Variants in STX8 observed in about 807,000 individuals in gnomAD.
STX8 encodes the protein syntaxin-8.
STX8 carries 23 observed loss-of-function variants against 37.5 expected under a neutral mutation model. The ratio of observed to expected loss-of-function variants is 0.61; its 90% CI spans 0.44 to 0.87. STX8 has a LOEUF of 0.87. Among genes scored for constraint, STX8 ranks in the 40% least tolerant of loss-of-function variants. The pLI, the probability that STX8 is intolerant of heterozygous loss-of-function variation, is 0.00. For synonymous variants in STX8, 115 were observed against 99.1 expected (o/e 1.16, Z -0.95); for missense variants, 313 against 284.7 (o/e 1.10, Z -0.71).
intron 5 of STX8, among the ~76,000 whole-genome samples, chr17:9,504,668 A>T (rs4447466): frequency 0.71 from 108,116 of 151,794 alleles, 38,751 homozygotes; most frequent in Middle Eastern, 0.85. Context: ...TGAGGAACAA[A>T]CAAGGCTCCA....
intron 6 of STX8, among the ~76,000 whole-genome samples, chr17:9,468,093 C>T (rs1242368939): frequency 6.6e-6 from 1 of 151,970 alleles, no homozygotes; most frequent in African/African-American, 2.4e-5. Flanking sequence ...AACAATATAG[C>T]GAGGTTTGTT....
rs146984445 is a variant in STX8 at position 9,415,066 on chromosome 17, T to C, written c.542-36413A>G. ...TCGGCCTCCCAAAGTGCTGGGATTA[T>C]AGGTGTGAGCCACCACGCCCGGTCT... On this transcript the variant is annotated intron_variant, in intron 6 of 7. Transcript: ENST00000306357. Among the ~76,000 whole-genome samples, 1,351 of 152,080 alleles carry C rather than the reference T, an allele frequency of 8.9e-3. 19 individuals are homozygous for C. Among genetic ancestry groups the C allele is most frequent in the African/African-American group, 0.032 (1,308 of 41,498 alleles).
intron 7 of STX8, among the ~76,000 whole-genome samples, chr17:9,286,722 A>G (rs990232151): frequency 2.0e-5 from 3 of 150,766 alleles, no homozygotes; most frequent in Non-Finnish European, 2.9e-5. Flanking sequence ...TAGCTGAACT[A>G]TGTGGCCCCT....
chr17:9,525,570 T>C lies in STX8; in HGVS notation c.323+19602A>G, dbSNP rs569008520. ...ACCGTGTTAGCCAGGATGGTCTCGA[T>C]CTCCTGACCTCATGATCTACCCGCC... On this transcript the variant is annotated intron_variant, in intron 4 of 7. Coordinates refer to ENST00000306357, the MANE Select transcript of STX8 (RefSeq NM_004853.3). Among the ~76,000 whole-genome samples, 4 of 151,978 alleles carry C rather than the reference T, an allele frequency of 2.6e-5. No individual in the cohort carries two copies. The South Asian group carries it at 8.3e-4, about 32-fold the overall frequency.
intron 7 of STX8, among the ~76,000 whole-genome samples, chr17:9,350,658 G>A (rs1910677546): frequency 6.6e-6 from 1 of 151,876 alleles, no homozygotes; most frequent in African/African-American, 2.4e-5. Context: ...TCATCCTCCT[G>A]AGTACCTGGG....
chr17:9,506,141 A>C (rs1404860744), intron 4 of STX8, among the ~76,000 whole-genome samples: 3 of 152,234 alleles, frequency 2.0e-5, no homozygotes, highest in African/African-American at 7.2e-5. Flanking sequence ...TCTAAGGAAC[A>C]GGAAACACAT....
chr17:9,408,917 G>A lies in STX8; in HGVS notation c.542-30264C>T, dbSNP rs145426410. 5.6e-3 allele frequency among the ~76,000 whole-genome samples: 848 copies of A among 152,186 alleles called. 16 individuals are homozygous for A. The highest frequency in any genetic ancestry group is 0.019 in the African/African-American group (785 of 41,502). Reference sequence around the variant, plus strand: ...GGGATTCTGAGAAATTAGGACAGACGTGCACTAGGAACAGAAGAAAGAATC... The same window carrying A: ...GGGATTCTGAGAAATTAGGACAGACATGCACTAGGAACAGAAGAAAGAATC... On this transcript the variant is annotated intron_variant, in intron 6 of 7. Coordinates refer to ENST00000306357, the MANE Select transcript of STX8 (RefSeq NM_004853.3).
chr17:9,542,151 G>A (rs543274051), intron 4 of STX8, among the ~76,000 whole-genome samples: 1 of 151,488 alleles, frequency 6.6e-6, no homozygotes, highest in Admixed American at 6.6e-5. Context: ...CTGAGGTCAG[G>A]AGTTCAAGAC....
At chr17:9,533,828 T>C (rs777238663) in intron 4 of STX8, among the ~76,000 whole-genome samples, 22 of 152,142 alleles carry the variant, frequency 1.4e-4, no homozygotes, top group Non-Finnish European at 3.1e-4. Context: ...CATCAGTATG[T>C]CTCATCTTCC....
At chr17:9,252,605 G>T (rs1906626121) in intron 7 of STX8, among the ~76,000 whole-genome samples, 1 of 121,356 alleles carries the variant, frequency 8.2e-6, no homozygotes, top group African/African-American at 3.6e-5. Context: ...GTGAAACTCT[G>T]TCTCAAAAAA....
At position 9,480,330 on chromosome 17, in the gene STX8, G is replaced by T. The variant is rs72818048; in HGVS notation, c.541+11499C>A. ...CTGAGGAAGGAAATATATTATTTTG[G>T]ATTTAGGAAAAATACCTTACTATGT... On this transcript the variant is annotated intron_variant, in intron 6 of 7. Transcript: ENST00000306357. Among the ~76,000 whole-genome samples the T allele has an allele frequency of 3.1e-3, 471 of 152,258 alleles. 2 individuals are homozygous for T. The highest frequency in any genetic ancestry group is 5.7e-3 in the Non-Finnish European group (386 of 68,026).
chr17:9,380,134 A>G (rs750591317), intron 6 of STX8, among the ~76,000 whole-genome samples: 3 of 151,842 alleles, frequency 2.0e-5, no homozygotes, highest in African/African-American at 4.8e-5. Context: ...TTACAAACCT[A>G]TAGGGGTATA....
Position 9,543,453 on chromosome 17 carries a change from C to T in STX8, c.323+1719G>A, listed in dbSNP as rs146785559. Among the ~76,000 whole-genome samples the T allele has an allele frequency of 5.8e-4, 89 of 152,188 alleles. 2 individuals carry two copies. The East Asian group carries it at 0.011, about 19-fold the overall frequency. ...GGACTACAGGTGCCCGCCACCACAA[C>T]GGCTACTTTTTTGTTGTTGTTGTTG... On this transcript the variant is annotated intron_variant, in intron 4 of 7. Coordinates refer to ENST00000306357, the MANE Select transcript of STX8 (RefSeq NM_004853.3).
At chr17:9,465,853 T>C (rs1334932332) in intron 6 of STX8, among the ~76,000 whole-genome samples, 1 of 152,190 alleles carries the variant, frequency 6.6e-6, no homozygotes, top group East Asian at 1.9e-4. Context: ...CTGGTCTACA[T>C]ACAAGGGATG....
chr17:9,324,244 C>G lies in STX8; in HGVS notation c.643+54308G>C, dbSNP rs151305620. Among the ~76,000 whole-genome samples, 416 of 152,180 alleles carry G rather than the reference C, an allele frequency of 2.7e-3. 1 individual carries two copies. The highest frequency in any genetic ancestry group is 9.5e-3 in the African/African-American group (395 of 41,540). The stretch of plus-strand genomic sequence containing the variant: ...TAAGGAACTAGAGCATGATGGTCAT[C>G]CAGGTACCAGCCCACAAACGCTGCT... On this transcript the variant is annotated intron_variant, in intron 7 of 7. Transcript: ENST00000306357.
intron 3 of STX8, among the ~76,000 whole-genome samples, chr17:9,551,692 C>G (rs1906764030): frequency 6.6e-6 from 1 of 152,132 alleles, no homozygotes; most frequent in Admixed American, 6.5e-5. Context: ...GTACAATAAC[C>G]TGGCAAAGTA....
At chr17:9,295,457 G>A (rs1472779171) in intron 7 of STX8, among the ~76,000 whole-genome samples, 1 of 152,148 alleles carries the variant, frequency 6.6e-6, no homozygotes, top group Non-Finnish European at 1.5e-5. Flanking sequence ...TGAAAATGTA[G>A]GCTGGGACCA....
At chr17:9,515,411 A>C (rs893336829) in intron 4 of STX8, among the ~76,000 whole-genome samples, 6 of 152,218 alleles carry the variant, frequency 3.9e-5, no homozygotes, top group Non-Finnish European at 8.8e-5. Context: ...AGTTGGTCTC[A>C]AGTATACTAA....
In STX8 at chr17:9,416,197, T is replaced by C. The variant is rs117843019; in HGVS notation, c.542-37544A>G. On this transcript the variant is annotated intron_variant, in intron 6 of 7. Transcript: ENST00000306357. Reference sequence around the variant, plus strand: ...AAGTCATACCTTACCTAGGCTTCATTCTCAGAGATCCCAACTTAATTGGAC... The same window carrying C: ...AAGTCATACCTTACCTAGGCTTCATCCTCAGAGATCCCAACTTAATTGGAC... Among the ~76,000 whole-genome samples, 41 of 152,280 alleles carry C rather than the reference T, an allele frequency of 2.7e-4. No homozygotes were observed. In the East Asian group the frequency reaches 7.9e-3, roughly 29 times the overall value.
Sources: allele counts gnomAD v4.1 joint callset (sites outside exome capture counted in the v4.1 genomes callset), GRCh38; gene constraint gnomAD v4.1.1; transcripts MANE v1.5; gene names NCBI Gene and HGNC (gene_info 2026-07-23, HGNC 2026-07-21).